Variants in FN3K observed in about 807,000 individuals in gnomAD.
FN3K encodes fructosamine 3 kinase.
Under a neutral mutation model 24.8 loss-of-function variants are expected in FN3K, and 24 were observed. The observed-to-expected ratio is 0.97, with a 90% CI of 0.70 to 1.36. The LOEUF (loss-of-function observed/expected upper bound fraction) is 1.36, where lower values mean the gene tolerates loss of function less well. Ranked by LOEUF, FN3K falls within the 40% of genes most tolerant of loss-of-function variation. The pLI is 0.00. For missense variants in FN3K, 449 were observed against 416.7 expected (o/e 1.08, Z -0.67); for synonymous variants, 192 against 175.2 (o/e 1.10, Z -0.76).
At chr17:82,746,971 C>T (rs979949664) in intron 4 of FN3K, among the ~76,000 whole-genome samples, 1 of 151,632 alleles carries the variant, frequency 6.6e-6, no homozygotes, top group African/African-American at 2.4e-5. Flanking sequence ...ACTACAGGCA[C>T]CTGCCACCAC....
chr17:82,737,409 C>T (rs891078744), intron 1 of FN3K, among the ~76,000 whole-genome samples: 5 of 152,046 alleles, frequency 3.3e-5, no homozygotes, highest in South Asian at 2.1e-4. Flanking sequence ...CTGCAAGCTG[C>T]GCCTCCCGGT....
chr17:82,738,531 C>T lies in FN3K; in HGVS notation c.184C>T (p.Leu62Phe). The T allele has an allele frequency of 1.2e-6, 2 of 1,612,368 alleles. No individual in the cohort carries two copies. The highest frequency in any genetic ancestry group is 1.7e-6 in the Non-Finnish European group (2 of 1,179,346). ...GGGGGAGGTGGCCAGCCTGGAGGCCCTCAGGAGCACGGGCCTGGTGCGGGT... is the reference window on the plus strand; with the variant it reads ...GGGGGAGGTGGCCAGCCTGGAGGCCTTCAGGAGCACGGGCCTGGTGCGGGT... ...FEGEVASLEALRSTGLVRVPR... is the reference protein window; with the variant it reads ...FEGEVASLEAFRSTGLVRVPR... Residue 62 changes from leucine to phenylalanine, a missense_variant, in exon 2 of 6, where the codon CTC (leucine) becomes TTC (phenylalanine). Coordinates refer to ENST00000300784, the MANE Select transcript of FN3K (RefSeq NM_022158.4).
intron 1 of FN3K, among the ~76,000 whole-genome samples, chr17:82,736,790 G>A (rs185696557): frequency 2.0e-5 from 3 of 152,314 alleles, no homozygotes; most frequent in East Asian, 3.9e-4. Flanking sequence ...CTGCTCTGCC[G>A]GCTCAGAACC....
At position 82,750,834 on chromosome 17, in the gene FN3K, GC is replaced by G. The variant is rs2047020261; in HGVS notation, c.*84del. The G allele has an allele frequency of 9.5e-7, 1 of 1,057,448 alleles. No individual in the cohort carries two copies. Among genetic ancestry groups the G allele is most frequent in the Non-Finnish European group, 1.3e-6 (1 of 777,980 alleles). 65.5% of individuals were successfully genotyped at this position (1,057,448 alleles called of 1,614,324 possible). A position where few individuals can be genotyped will look rare whatever the true frequency, so the allele number is the denominator to read the frequency against. ...CTGTCCCCCCGTCCCCCGTCCCTGTGCCCCCGTCCCTGTCCCCCTGTTCCCG... is the reference window on the plus strand; with the variant it reads ...CTGTCCCCCCGTCCCCCGTCCCTGTGCCCCGTCCCTGTCCCCCTGTTCCCG... On this transcript the variant is annotated 3_prime_UTR_variant, in exon 6 of 6. Transcript: ENST00000300784.
chr17:82,740,857 A>G lies in FN3K; in HGVS notation c.385+3A>G. 1 of 1,607,208 alleles carries G rather than the reference A, an allele frequency of 6.2e-7. No homozygotes were observed. Among genetic ancestry groups the G allele is most frequent in the African/African-American group, 1.3e-5 (1 of 74,838 alleles). ...GAAGGAGGAGGAGAACACAGTGGGT[A>G]TGTTCAGATTGCTTTTGGGTACCCT... On this transcript the variant is annotated splice_donor_region_variant and intron_variant, in intron 3 of 5. Transcript: ENST00000300784.
intron 4 of FN3K, among the ~76,000 whole-genome samples, chr17:82,747,608 T>G (rs899696574): frequency 2.0e-5 from 3 of 152,022 alleles, no homozygotes; most frequent in African/African-American, 7.2e-5. Context: ...ACCATGTTGG[T>G]CAGGATGGTT....
chr17:82,741,518 G>A, intron 4 of FN3K, 125 bp downstream of exon 4: 1 of 905,096 alleles, frequency 1.1e-6, no homozygotes, highest in Non-Finnish European at 1.7e-6. Flanking sequence ...AAGCAGAGTA[G>A]AAGCTGTGAT....
chr17:82,740,782 G>A lies in FN3K; in HGVS notation c.313G>A (p.Glu105Lys). 2 of 1,613,552 alleles carry A rather than the reference G, an allele frequency of 1.2e-6. No individual in the cohort carries two copies. The highest frequency in any genetic ancestry group is 1.1e-5 in the South Asian group (1 of 91,024). ...CCTCAGTCAAGCATCAAAACTTGGA[G>A]AGCAGATGGCAGATTTGCATCTTTA... ...SLSSQASKLGEQMADLHLYNQ... is the reference protein window; with the variant it reads ...SLSSQASKLGKQMADLHLYNQ... Residue 105 changes from glutamate (E) to lysine (K), a missense_variant, in exon 3 of 6, where the codon GAG becomes AAG. By Grantham distance (56) the Glu-to-Lys change is moderately conservative. Coordinates refer to ENST00000300784, the MANE Select transcript of FN3K (RefSeq NM_022158.4).
Position 82,750,797 on chromosome 17 carries a change from G to GTC in FN3K, c.*45_*46dup. The GTC allele has an allele frequency of 7.1e-7, 1 of 1,407,244 alleles. No individual in the cohort carries two copies. The highest frequency in any genetic ancestry group is 9.4e-7 in the Non-Finnish European group (1 of 1,068,718). The allele number at this position is 1,407,244 out of a possible 1,614,324, so 87.2% of individuals were successfully genotyped here. ...TTCCCCTGTCCCCGTCCCCGTCTCC[G>GTC]TCTCCCCGTCCCTGTCCCCCCGTCC... On this transcript the variant is annotated 3_prime_UTR_variant, in exon 6 of 6. Coordinates refer to ENST00000300784, the MANE Select transcript of FN3K (RefSeq NM_022158.4).
chr17:82,738,381 G>A, intron 1 of FN3K, 108 bp from the exon 2 acceptor site: 1 of 1,468,846 alleles, frequency 6.8e-7, no homozygotes, highest in South Asian at 1.2e-5. Flanking sequence ...CCAGCTATCA[G>A]TGAATGAAGG....
intron 5 of FN3K, 67 bp downstream of exon 5, chr17:82,749,044 G>C: frequency 6.2e-7 from 1 of 1,607,472 alleles, no homozygotes; most frequent in Non-Finnish European, 8.5e-7. Flanking sequence ...ATTTGTGCGG[G>C]TTCATCTGTA....
chr17:82,738,096 G>A (rs938575179), intron 1 of FN3K: 9 of 205,548 alleles, frequency 4.4e-5, no homozygotes, highest in Middle Eastern at 1.9e-3. Flanking sequence ...GTTAGCTCCA[G>A]TGAGGCCTCT....
At position 82,750,668 on chromosome 17, in the gene FN3K, G is replaced by T. The variant is rs1186911465; in HGVS notation, c.843G>T (p.Gln281His). The T allele has an allele frequency of 6.2e-7, 1 of 1,613,814 alleles. No individual in the cohort carries two copies. Among genetic ancestry groups the T allele is most frequent in the Non-Finnish European group, 8.5e-7 (1 of 1,180,014 alleles). The change falls in exon 6 of 6, where the codon CAG (glutamine) becomes CAT (histidine). Residue 281 changes from glutamine to histidine, a missense_variant. Transcript: ENST00000300784. ...PGFDQRLLLY[Q>H]LFNYLNHWNH... ...TCGACCAGCGGCTGCTGCTCTACCA[G>T]CTGTTTAACTACCTGAACCACTGGA...
At position 82,740,704 on chromosome 17, in the gene FN3K, A is replaced by T. The variant is rs2046936312; in HGVS notation, c.294-59A>T. 3.3e-6 allele frequency: 4 copies of T among 1,198,222 alleles called. No individual in the cohort carries two copies. The East Asian group carries it at 9.7e-5, about 29-fold the overall frequency. The allele number at this position is 1,198,222 out of a possible 1,614,324, so 74.2% of individuals were successfully genotyped here. On this transcript the variant is annotated intron_variant, in intron 2 of 5. Transcript: ENST00000300784. ...TTAAACCTTTCTCAAAATGGAACAA[A>T]CTGGGTGGTGTTATTTATTATTTGT... is the stretch of plus-strand genomic sequence containing the variant.
Position 82,750,850 on chromosome 17 carries a change from C to T in FN3K, c.*95C>T. The T allele has an allele frequency of 3.1e-6, 3 of 977,148 alleles. No homozygotes were observed. The highest frequency in any genetic ancestry group is 2.8e-5 in the East Asian group (1 of 35,882). 60.5% of individuals were successfully genotyped at this position (977,148 alleles called of 1,614,324 possible). ...CGTCCCTGTGCCCCCGTCCCTGTCC[C>T]CCTGTTCCCGTCTCCCCGTCCCTCC... On this transcript the variant is annotated 3_prime_UTR_variant, in exon 6 of 6. Coordinates refer to ENST00000300784, the MANE Select transcript of FN3K (RefSeq NM_022158.4).
chr17:82,746,560 G>A lies in FN3K; in HGVS notation c.469-2295G>A, dbSNP rs1193688766. ...TCGCGCCTGTAATCCCAGCACTTTC[G>A]GAGGCCGAGGTGGGCAGATCACTTG... On this transcript the variant is annotated intron_variant, in intron 4 of 5. Coordinates refer to ENST00000300784, the MANE Select transcript of FN3K (RefSeq NM_022158.4). Among the ~76,000 whole-genome samples the A allele has an allele frequency of 1.3e-4, 20 of 152,170 alleles. 1 individual carries two copies. The highest frequency in any genetic ancestry group is 4.1e-4 in the African/African-American group (17 of 41,526).
At position 82,750,849 on chromosome 17, in the gene FN3K, C is replaced by A; in HGVS notation, c.*94C>A. 1.0e-6 allele frequency: 1 copy of A among 966,858 alleles called. No individual in the cohort carries two copies. The highest frequency in any genetic ancestry group is 1.5e-6 in the Non-Finnish European group (1 of 673,114). The allele number at this position is 966,858 out of a possible 1,614,324, so 59.9% of individuals were successfully genotyped here. A position where few individuals can be genotyped will look rare whatever the true frequency, so the allele number is the denominator to read the frequency against. ...CCGTCCCTGTGCCCCCGTCCCTGTC[C>A]CCCTGTTCCCGTCTCCCCGTCCCTC... is the stretch of plus-strand genomic sequence containing the variant. On this transcript the variant is annotated 3_prime_UTR_variant, in exon 6 of 6. Coordinates refer to ENST00000300784, the MANE Select transcript of FN3K (RefSeq NM_022158.4).
chr17:82,741,606 G>C lies in FN3K; in HGVS notation c.468+213G>C, dbSNP rs2046941659. 4 of 529,218 alleles carry C rather than the reference G, an allele frequency of 7.6e-6. No individual in the cohort carries two copies. The Admixed American group carries it at 8.7e-5, about 11-fold the overall frequency. 32.8% of individuals were successfully genotyped at this position (529,218 alleles called of 1,614,324 possible). A position where few individuals can be genotyped will look rare whatever the true frequency, so the allele number is the denominator to read the frequency against. On this transcript the variant is annotated intron_variant, in intron 4 of 5. Coordinates refer to ENST00000300784, the MANE Select transcript of FN3K (RefSeq NM_022158.4). ...GTCATGGGACATGCTGGGGCAGGCAGATCAGCATTCCAAGCAGAGCGAGCC... is the reference window on the plus strand; with the variant it reads ...GTCATGGGACATGCTGGGGCAGGCACATCAGCATTCCAAGCAGAGCGAGCC...
intron 1 of FN3K, among the ~76,000 whole-genome samples, chr17:82,736,933 C>A (rs994454011): frequency 6.6e-6 from 1 of 152,194 alleles, no homozygotes; most frequent in African/African-American, 2.4e-5. Context: ...CTCCCACCCC[C>A]ACGAGGGGCC....
Sources: allele counts gnomAD v4.1 joint callset (sites outside exome capture counted in the v4.1 genomes callset), GRCh38; gene constraint gnomAD v4.1.1; transcripts MANE v1.5; gene names NCBI Gene and HGNC (gene_info 2026-07-23, HGNC 2026-07-21).